The following WDR19 variants were observed in gnomAD, a reference collection of about 807,000 sequenced individuals.
WDR19 encodes the protein WD repeat-containing protein 19.
WDR19 carries 121 observed loss-of-function variants against 180.0 expected under a neutral mutation model. The observed-to-expected ratio is 0.67, with a 90% CI of 0.58 to 0.78. WDR19 has a LOEUF of 0.78. WDR19 is among the 30% of genes least tolerant of loss of function. WDR19 has a pLI of 0.00. For synonymous variants in WDR19, 497 were observed against 540.7 expected (o/e 0.92, Z 1.12); for missense variants, 1,450 against 1,640.7 (o/e 0.88, Z 2.01).
At chr4:39,282,537 A>C (rs1660577097) in intron 36 of WDR19, among the ~76,000 whole-genome samples, 1 of 152,096 alleles carries the variant, frequency 6.6e-6, no homozygotes, top group Non-Finnish European at 1.5e-5. Context: ...AGCTGAGATT[A>C]CAGGCGCCCG....
Position 39,266,092 on chromosome 4 carries a change from C to G in WDR19, c.3213C>G (p.Thr1071=). 6.4e-7 allele frequency: 1 copy of G among 1,559,966 alleles called. No individual in the cohort carries two copies. ...GTCAGGCCAAAGATGAACTGCTGAC[C>G]AATCAGCTGATAGACCATCTCCTGG... ...TVGQAKDELL[T]NQLIDHLLGE... Residue 1071 remains threonine (T), a synonymous_variant, in exon 29 of 37, where the codon ACC becomes ACG. Transcript: ENST00000399820.
chr4:39,221,190 G>A (rs1729670541), intron 14 of WDR19, among the ~76,000 whole-genome samples: 1 of 152,070 alleles, frequency 6.6e-6, no homozygotes, highest in Non-Finnish European at 1.5e-5. Context: ...ATATGGAATA[G>A]GAAATTTGTA....
In WDR19 at chr4:39,225,045, A is replaced by G; in HGVS notation, c.1629+12A>G. 6.6e-7 allele frequency: 1 copy of G among 1,512,074 alleles called. No individual in the cohort carries two copies. Among genetic ancestry groups the G allele is most frequent in the Non-Finnish European group, 8.8e-7 (1 of 1,132,258 alleles). The allele number at this position is 1,512,074 out of a possible 1,614,324, so 93.7% of individuals were successfully genotyped here. A position where few individuals can be genotyped will look rare whatever the true frequency, so the allele number is the denominator to read the frequency against. Reference sequence around the variant, plus strand: ...TTGTTTACTGTCCAGTAAGTCTGGAACATTTTTAAATGTTTATTTTTTGAA... The same window carrying G: ...TTGTTTACTGTCCAGTAAGTCTGGAGCATTTTTAAATGTTTATTTTTTGAA... On this transcript the variant is annotated intron_variant, in intron 15 of 36. Transcript: ENST00000399820.
At chr4:39,283,206 G>T (rs980319145) in intron 36 of WDR19, among the ~76,000 whole-genome samples, 1 of 152,038 alleles carries the variant, frequency 6.6e-6, no homozygotes, top group African/African-American at 2.4e-5. Flanking sequence ...AGATGATATG[G>T]TTTTTTCTCT....
intron 15 of WDR19, among the ~76,000 whole-genome samples, chr4:39,225,855 C>G (rs1730196787): frequency 6.6e-6 from 1 of 151,726 alleles, no homozygotes; most frequent in Non-Finnish European, 1.5e-5. Flanking sequence ...CTTTCCTTCT[C>G]TTCTCTTTTT....
At chr4:39,263,244 T>A (rs1210846734) in intron 28 of WDR19, among the ~76,000 whole-genome samples, 2 of 152,236 alleles carry the variant, frequency 1.3e-5, no homozygotes, top group East Asian at 3.9e-4. Context: ...AGCTTCTGCC[T>A]TCCCCACTCC....
In WDR19 at chr4:39,277,128, A is replaced by T. The variant is rs531942669; in HGVS notation, c.3825A>T (p.Pro1275=). 6.2e-7 allele frequency: 1 copy of T among 1,609,740 alleles called. No homozygotes were observed. Among genetic ancestry groups the T allele is most frequent in the Non-Finnish European group, 8.5e-7 (1 of 1,178,416 alleles). Residue 1275 remains proline, a synonymous_variant, in exon 34 of 37, where the codon CCA becomes CCT. Transcript: ENST00000399820. The part of the protein sequence containing the change: ...LLCPGCKNSI[P]YCIATGRHML... ...GTCCTGGATGTAAAAACAGTATCCC[A>T]TATTGCATTGCAACAGTGAGTTCCT...
intron 3 of WDR19, among the ~76,000 whole-genome samples, chr4:39,189,144 G>A (rs1394969806): frequency 2.6e-5 from 4 of 151,970 alleles, no homozygotes; most frequent in Non-Finnish European, 4.4e-5. Context: ...AGCTGGTCCC[G>A]AACTCCTGAC....
At chr4:39,285,407 A>G (rs1201125637) in intron 36 of WDR19, 80 bp from the exon 37 acceptor site, 2 of 152,178 alleles carry the variant, frequency 1.3e-5, no homozygotes, top group Non-Finnish European at 2.9e-5. Flanking sequence ...AATTCTTTTT[A>G]GTATGTTTGG....
chr4:39,267,172 C>T (rs1734894470), intron 29 of WDR19, among the ~76,000 whole-genome samples: 1 of 152,214 alleles, frequency 6.6e-6, no homozygotes, highest in African/African-American at 2.4e-5. Flanking sequence ...CATCTTCTCC[C>T]AGTCCTGGTG....
At chr4:39,239,307 A>G (rs1731677349) in intron 20 of WDR19, among the ~76,000 whole-genome samples, 1 of 152,072 alleles carries the variant, frequency 6.6e-6, no homozygotes, top group African/African-American at 2.4e-5. Context: ...GTATATTAAT[A>G]CTTTTTCTCA....
At chr4:39,247,700 G>A (rs925364327) in intron 24 of WDR19, among the ~76,000 whole-genome samples, 7 of 152,148 alleles carry the variant, frequency 4.6e-5, no homozygotes, top group Admixed American at 2.6e-4. Flanking sequence ...AGAATTACGC[G>A]ACGAATCCAC....
Position 39,257,528 on chromosome 4 carries a change from G to A in WDR19, c.3157G>A (p.Val1053Met). The A allele has an allele frequency of 6.3e-7, 1 of 1,590,500 alleles. No individual in the cohort carries two copies. The highest frequency in any genetic ancestry group is 1.1e-5 in the South Asian group (1 of 87,336). ...FLKCPSSEDN[V>M]AIEMAIETVG... ...GAAATGCCCAAGCTCGGAAGATAAT[G>A]TGGCAATAGAAATGGCAATTGAAAC... is the stretch of plus-strand genomic sequence containing the variant. The change falls in exon 28 of 37, where the codon GTG becomes ATG. Residue 1053 changes from valine to methionine, a missense_variant. Transcript: ENST00000399820.
At chr4:39,192,742 G>A (rs1726297885) in intron 4 of WDR19, among the ~76,000 whole-genome samples, 3 of 152,274 alleles carry the variant, frequency 2.0e-5, no homozygotes, top group Admixed American at 6.5e-5. Context: ...GATTATAGGC[G>A]TGAGCCACCG....
intron 13 of WDR19, 58 bp downstream of exon 13, chr4:39,217,298 C>G: frequency 7.5e-7 from 1 of 1,329,516 alleles, no homozygotes; most frequent in Non-Finnish European, 1.1e-6. Context: ...AGCCTAATGT[C>G]TGATTATCAA....
intron 36 of WDR19, among the ~76,000 whole-genome samples, chr4:39,280,740 G>T (rs1736413376): frequency 6.6e-6 from 1 of 151,970 alleles, no homozygotes; most frequent in African/African-American, 2.4e-5. Context: ...GATTGCTTGA[G>T]TCCAGGAGTT....
chr4:39,281,236 T>TATAGAGAGAGAGAG (rs762298152), intron 36 of WDR19, among the ~76,000 whole-genome samples: 291 of 103,902 alleles, frequency 2.8e-3, no homozygotes, highest in African/African-American at 6.2e-3. Flanking sequence ...TATATATATA[T>TATAGAGAGAGAGAG]AGAGAGAGAG....
chr4:39,208,982 A>G (rs1728228930), intron 9 of WDR19, among the ~76,000 whole-genome samples: 1 of 152,234 alleles, frequency 6.6e-6, no homozygotes, highest in African/African-American at 2.4e-5. Context: ...AAGGTCAACA[A>G]GGATATAAAA....
In WDR19 at chr4:39,186,581, A is replaced by G. The variant is rs749387746; in HGVS notation, c.141A>G (p.Lys47=). Residue 47 remains lysine (K), a synonymous_variant, in exon 3 of 37, where the codon AAA becomes AAG. Transcript: ENST00000399820. ...AAATCTTTGATCGCCATGGTCAAAA[A>G]AGAAGTGAAATTAACTTACCTGGGT... is the stretch of plus-strand genomic sequence containing the variant. ...IVKIFDRHGQ[K]RSEINLPGNC... is the part of the protein sequence containing the mutation. 5.0e-6 allele frequency: 8 copies of G among 1,588,054 alleles called. No individual in the cohort carries two copies. The East Asian group carries it at 1.6e-4, about 32-fold the overall frequency.
Sources: gnomAD v4.1 joint callset for allele counts (sites outside exome capture counted in the v4.1 genomes callset) on GRCh38, gnomAD v4.1.1 for gene constraint, MANE v1.5 for transcripts, NCBI Gene and HGNC (gene_info 2026-07-23, HGNC 2026-07-21) for gene names.